The following OXR1 variants were observed in gnomAD, a reference collection of about 807,000 sequenced individuals.
OXR1 encodes the protein oxidation resistance 1.
OXR1 carries 41 observed loss-of-function variants against 104.6 expected under a neutral mutation model. The observed-to-expected ratio is 0.39, with a 90% CI of 0.31 to 0.51. OXR1 has a LOEUF of 0.51. Ranked by LOEUF, OXR1 falls within the 20% of genes least tolerant of loss-of-function variation. OXR1 has a pLI of 0.77. For missense variants in OXR1, 955 were observed against 1,031.9 expected, an observed-to-expected ratio of 0.93 and a Z score of 1.02; for synonymous variants, 348 against 348.4, an observed-to-expected ratio of 1.00 and a Z score of 0.01.
intron 2 of OXR1, among the ~76,000 whole-genome samples, chr8:106,369,715 C>A (rs1402710389): frequency 1.3e-5 from 2 of 151,890 alleles, no homozygotes; most frequent in Non-Finnish European, 2.9e-5. Flanking sequence ...GTAGATGTGT[C>A]GTGTTATTTC....
At chr8:106,327,247 T>C (rs1814506465) in intron 1 of OXR1, among the ~76,000 whole-genome samples, 1 of 152,228 alleles carries the variant, frequency 6.6e-6, no homozygotes, top group South Asian at 2.1e-4. Flanking sequence ...AAAAATATAG[T>C]GAGCAATTTT....
At chr8:106,747,947 T>C (rs1451600626) in intron 16 of OXR1, among the ~76,000 whole-genome samples, 3 of 152,228 alleles carry the variant, frequency 2.0e-5, no homozygotes, top group Non-Finnish European at 4.4e-5. Context: ...CTTAATCTTT[T>C]ATTAACCCTT....
At chr8:106,695,306 T>G (rs780334137) in intron 7 of OXR1, among the ~76,000 whole-genome samples, 1 of 152,024 alleles carries the variant, frequency 6.6e-6, no homozygotes, top group Non-Finnish European at 1.5e-5. Context: ...ACTTCTAAAT[T>G]TCTTACAGTG....
intron 2 of OXR1, among the ~76,000 whole-genome samples, chr8:106,461,334 G>A (rs1465686592): frequency 6.6e-6 from 1 of 152,152 alleles, no homozygotes; most frequent in Non-Finnish European, 1.5e-5. Flanking sequence ...CACTTTAGGA[G>A]GCTGAGGTAG....
chr8:106,283,029 G>C (rs1812351855), intron 1 of OXR1, among the ~76,000 whole-genome samples: 3 of 152,198 alleles, frequency 2.0e-5, no homozygotes, highest in Admixed American at 6.5e-5. Flanking sequence ...CCTCCCAGTA[G>C]TAAGTTCTAT....
At chr8:106,616,663 T>C (rs1049844194) in intron 3 of OXR1, among the ~76,000 whole-genome samples, 3 of 152,194 alleles carry the variant, frequency 2.0e-5, no homozygotes, top group Non-Finnish European at 4.4e-5. Context: ...ATAAGCTCTA[T>C]ATTACATGCA....
intron 3 of OXR1, among the ~76,000 whole-genome samples, chr8:106,583,346 A>G (rs888847846): frequency 1.3e-5 from 2 of 152,198 alleles, no homozygotes; most frequent in African/African-American, 4.8e-5. Context: ...GATAGGACAA[A>G]CTTAAAGTGT....
At chr8:106,271,028 G>A (rs1051468279) in intron 1 of OXR1, among the ~76,000 whole-genome samples, 2 of 152,110 alleles carry the variant, frequency 1.3e-5, no homozygotes, top group African/African-American at 4.8e-5. Context: ...ACTGGCTGGG[G>A]AAAGGATGGA....
intron 3 of OXR1, among the ~76,000 whole-genome samples, chr8:106,613,112 CA>C (rs1406765323): frequency 6.6e-6 from 1 of 151,966 alleles, no homozygotes; most frequent in African/African-American, 2.4e-5. Context: ...TAATATGAGA[CA>C]TTTTTCCCTA....
At chr8:106,428,861 A>G (rs1023336766) in intron 2 of OXR1, among the ~76,000 whole-genome samples, 4 of 152,168 alleles carry the variant, frequency 2.6e-5, no homozygotes, top group Admixed American at 2.0e-4. Flanking sequence ...TCTCAACATC[A>G]GTAAGCATCT....
At chr8:106,449,436 C>A (rs572932286) in intron 2 of OXR1, among the ~76,000 whole-genome samples, 18 of 152,260 alleles carry the variant, frequency 1.2e-4, no homozygotes, top group Non-Finnish European at 2.5e-4. Context: ...CTACTCAAAG[C>A]CAAAGTTATT....
In OXR1 at chr8:106,545,993, C is replaced by CAA. The variant is rs56799247; in HGVS notation, c.220+26868_220+26869dup. Among the ~76,000 whole-genome samples the CAA allele has an allele frequency of 3.4e-3, 479 of 141,416 alleles. 4 individuals carry two copies. The highest frequency in any genetic ancestry group is 7.3e-3 in the Middle Eastern group (2 of 274). 92.8% of individuals were successfully genotyped at this position (141,416 alleles called of 152,430 possible). A position where few individuals can be genotyped will look rare whatever the true frequency, so the allele number is the denominator to read the frequency against. On this transcript the variant is annotated intron_variant, in intron 3 of 16. Coordinates refer to ENST00000517566, the MANE Select transcript of OXR1 (RefSeq NM_001198533.2). Reference sequence around the variant, plus strand: ...CCTTGGTGACAGAGTGAGATTCTGTCAAAAAAAAAAAAAAATTGAATGATG... The same window carrying CAA: ...CCTTGGTGACAGAGTGAGATTCTGTCAAAAAAAAAAAAAAAAATTGAATGATG...
At chr8:106,430,750 C>T (rs1819330586) in intron 2 of OXR1, among the ~76,000 whole-genome samples, 1 of 152,140 alleles carries the variant, frequency 6.6e-6, no homozygotes, top group South Asian at 2.1e-4. Context: ...TTCCTCATCT[C>T]AGGGGAAAAT....
chr8:106,593,329 G>C (rs1819250273), intron 3 of OXR1, among the ~76,000 whole-genome samples: 1 of 152,122 alleles, frequency 6.6e-6, no homozygotes, highest in South Asian at 2.1e-4. Flanking sequence ...CCCATGAAGG[G>C]GAGAGTCCTT....
At chr8:106,371,846 G>C (rs1816720284) in intron 2 of OXR1, among the ~76,000 whole-genome samples, 1 of 152,226 alleles carries the variant, frequency 6.6e-6, no homozygotes, top group South Asian at 2.1e-4. Flanking sequence ...AGGTGTGTTG[G>C]GCTGTGGGGA....
chr8:106,407,516 G>T (rs537873937), intron 2 of OXR1, among the ~76,000 whole-genome samples: 1 of 152,330 alleles, frequency 6.6e-6, no homozygotes, highest in African/African-American at 2.4e-5. Context: ...TGAAGTGCCA[G>T]TTGAGGTCAT....
intron 3 of OXR1, chr8:106,605,069 T>C (rs1820264475): frequency 6.6e-6 from 1 of 152,190 alleles, no homozygotes; most frequent in Non-Finnish European, 1.5e-5. Context: ...TCTTACAAGT[T>C]GAAGGAGGTG....
At chr8:106,582,179 T>TATATAG (rs1241089888) in intron 3 of OXR1, among the ~76,000 whole-genome samples, 3 of 136,904 alleles carry the variant, frequency 2.2e-5, no homozygotes, top group Non-Finnish European at 4.7e-5. Flanking sequence ...TCTATTGACA[T>TATATAG]ATATATATAT....
At chr8:106,706,354 A>G (rs578096156) in intron 8 of OXR1, 28 bp from the exon 9 acceptor site, 5 of 1,487,904 alleles carry the variant, frequency 3.4e-6, no homozygotes, top group Admixed American at 2.5e-5. Flanking sequence ...TTAAAAGTCT[A>G]ATTATTTTTA....
Sources: gnomAD v4.1 joint callset for allele counts (sites outside exome capture counted in the v4.1 genomes callset) on GRCh38, gnomAD v4.1.1 for gene constraint, MANE v1.5 for transcripts, NCBI Gene and HGNC (gene_info 2026-07-23, HGNC 2026-07-21) for gene names.